Variants in PSMD14 observed in about 807,000 individuals in gnomAD.
The protein encoded by PSMD14 is ubiquitin C-terminal hydrolase PSMD14.
Under a neutral mutation model 41.2 loss-of-function variants are expected in PSMD14, and 7 were observed. That is an observed-to-expected ratio of 0.17 (90% CI 0.10 to 0.32). The LOEUF (loss-of-function observed/expected upper bound fraction) is 0.32, where lower values mean the gene tolerates loss of function less well. Ranked by LOEUF, PSMD14 falls within the 10% of genes least tolerant of loss-of-function variation. PSMD14 has a pLI of 1.00. For missense variants in PSMD14, 139 were observed against 375.6 expected (o/e 0.37, Z 5.21); for synonymous variants, 114 against 122.3 (o/e 0.93, Z 0.45).
chr2:161,383,196 T>C (rs1425198706), intron 7 of PSMD14: 2 of 152,166 alleles, frequency 1.3e-5, no homozygotes, highest in Non-Finnish European at 3.0e-5. Flanking sequence ...TATAAAATTA[T>C]ACCAAAATTA....
chr2:161,379,747 C>T (rs563282723), intron 7 of PSMD14, among the ~76,000 whole-genome samples: 4 of 152,054 alleles, frequency 2.6e-5, no homozygotes, highest in Admixed American at 2.6e-4. Context: ...GAAGGGTTGA[C>T]CATGCAAAGG....
rs537354955 is a variant in PSMD14 at position 161,345,435 on chromosome 2, G to T, written c.49-22043G>T. Among the ~76,000 whole-genome samples, 182 of 151,680 alleles carry T rather than the reference G, an allele frequency of 1.2e-3. 1 individual carries two copies. The highest frequency in any genetic ancestry group is 0.012 in the South Asian group (57 of 4,800). ...TTTTTCTATTTTTTGTACAGACAGG[G>T]TTTCACTATGTTGCCCAGGCTGGTC... On this transcript the variant is annotated intron_variant, in intron 3 of 11. Coordinates refer to ENST00000409682, the MANE Select transcript of PSMD14 (RefSeq NM_005805.6).
intron 3 of PSMD14, among the ~76,000 whole-genome samples, chr2:161,337,689 A>G (rs1682888538): frequency 6.6e-6 from 1 of 152,214 alleles, no homozygotes; most frequent in African/African-American, 2.4e-5. Flanking sequence ...GCCAGTGCAC[A>G]TGACTGTGAA....
intron 1 of PSMD14, among the ~76,000 whole-genome samples, chr2:161,316,015 TG>T (rs1689144375): frequency 6.6e-6 from 1 of 152,090 alleles, no homozygotes; most frequent in South Asian, 2.1e-4. Context: ...CTAATTTTTT[TG>T]TATTTTTAGT....
intron 10 of PSMD14, among the ~76,000 whole-genome samples, chr2:161,400,198 A>C (rs988406132): frequency 6.6e-6 from 1 of 152,212 alleles, no homozygotes; most frequent in African/African-American, 2.4e-5. Context: ...ATAAAACTTC[A>C]AAGACATTAG....
At chr2:161,386,415 G>A (rs1269125509) in intron 8 of PSMD14, among the ~76,000 whole-genome samples, 1 of 151,756 alleles carries the variant, frequency 6.6e-6, no homozygotes, top group Non-Finnish European at 1.5e-5. Context: ...TTGGGGAGTT[G>A]TGGCTTTGAC....
chr2:161,361,142 A>T (rs1000189330), intron 3 of PSMD14, among the ~76,000 whole-genome samples: 3 of 152,214 alleles, frequency 2.0e-5, no homozygotes, highest in Non-Finnish European at 4.4e-5. Context: ...TTAATTTTTT[A>T]AAAAAACATG....
At chr2:161,356,237 A>G (rs1365502664) in intron 3 of PSMD14, among the ~76,000 whole-genome samples, 1 of 152,172 alleles carries the variant, frequency 6.6e-6, no homozygotes. Context: ...CCTATTGCCA[A>G]TTAACACCTC....
chr2:161,343,030 A>G (rs555238724), intron 3 of PSMD14, among the ~76,000 whole-genome samples: 1 of 152,216 alleles, frequency 6.6e-6, no homozygotes, highest in Non-Finnish European at 1.5e-5. Flanking sequence ...ATTTATGTTC[A>G]TTATTTTTGT....
chr2:161,329,168 C>T (rs1682751045), intron 3 of PSMD14, among the ~76,000 whole-genome samples: 1 of 152,024 alleles, frequency 6.6e-6, no homozygotes, highest in Non-Finnish European at 1.5e-5. Flanking sequence ...ATCAGACTTA[C>T]ATTTTTAAAG....
At chr2:161,393,938 C>T (rs1047346180) in intron 9 of PSMD14, among the ~76,000 whole-genome samples, 3 of 151,146 alleles carry the variant, frequency 2.0e-5, no homozygotes, top group African/African-American at 7.3e-5. Flanking sequence ...TAGAATCCAA[C>T]CCCAATTTGC....
chr2:161,373,250 G>A (rs1483623190), intron 7 of PSMD14, among the ~76,000 whole-genome samples: 1 of 151,764 alleles, frequency 6.6e-6, no homozygotes, highest in Non-Finnish European at 1.5e-5. Context: ...TAAAATTTAT[G>A]AAATCATATG....
intron 3 of PSMD14, among the ~76,000 whole-genome samples, chr2:161,350,861 A>G (rs1288874188): frequency 2.6e-5 from 4 of 152,198 alleles, no homozygotes; most frequent in Non-Finnish European, 5.9e-5. Flanking sequence ...CTGCAATCAT[A>G]TTGTACTTCT....
chr2:161,364,948 C>T (rs1683338849), intron 3 of PSMD14, among the ~76,000 whole-genome samples: 1 of 151,896 alleles, frequency 6.6e-6, no homozygotes, highest in African/African-American at 2.4e-5. Flanking sequence ...TACTAAAATA[C>T]AAAAAATCAG....
chr2:161,344,162 G>A (rs1683008907), intron 3 of PSMD14, among the ~76,000 whole-genome samples: 1 of 152,252 alleles, frequency 6.6e-6, no homozygotes, highest in Admixed American at 6.5e-5. Context: ...ACTGCCCCAA[G>A]GGTACTGAGG....
intron 8 of PSMD14, among the ~76,000 whole-genome samples, chr2:161,388,301 T>C (rs974734883): frequency 3.9e-5 from 6 of 152,044 alleles, no homozygotes; most frequent in Admixed American, 3.3e-4. Context: ...TATAAAACAA[T>C]TGCACTAGAA....
chr2:161,386,173 G>A (rs1243634279), intron 8 of PSMD14, among the ~76,000 whole-genome samples: 2 of 151,558 alleles, frequency 1.3e-5, no homozygotes, highest in Non-Finnish European at 3.0e-5. Context: ...TGTTTTCTTT[G>A]TATCATTCAC....
intron 10 of PSMD14, among the ~76,000 whole-genome samples, chr2:161,395,994 C>T (rs1019462560): frequency 5.9e-5 from 9 of 152,166 alleles, no homozygotes; most frequent in Non-Finnish European, 1.0e-4. Context: ...TCAAAATCTA[C>T]GCTTTAACCA....
intron 10 of PSMD14, among the ~76,000 whole-genome samples, chr2:161,399,747 T>A (rs1305003829): frequency 6.6e-6 from 1 of 152,192 alleles, no homozygotes; most frequent in East Asian, 1.9e-4. Flanking sequence ...AAAGAATTTT[T>A]TTAGGAAAAT....
Sources: gnomAD v4.1 joint callset for allele counts (sites outside exome capture counted in the v4.1 genomes callset) on GRCh38, gnomAD v4.1.1 for gene constraint, MANE v1.5 for transcripts, NCBI Gene and HGNC (gene_info 2026-07-23, HGNC 2026-07-21) for gene names.